The following RERE variants were observed in gnomAD, a reference collection of about 807,000 sequenced individuals.
RERE encodes arginine-glutamic acid dipeptide repeats.
A neutral mutation model predicts 146.1 loss-of-function variants in RERE; 40 were observed. The observed-to-expected ratio is 0.27, with a 90% CI of 0.21 to 0.36. The LOEUF (loss-of-function observed/expected upper bound fraction) is 0.36. RERE is among the 10% of genes least tolerant of loss of function. The pLI is 1.00. For synonymous variants in RERE, 1,003 were observed against 866.0 expected (o/e 1.16, Z -2.78); for missense variants, 1,933 against 2,138.7 (o/e 0.90, Z 1.90).
chr1:8,378,662 A>G (rs969692463), intron 12 of RERE, among the ~76,000 whole-genome samples: 20 of 152,198 alleles, frequency 1.3e-4, no homozygotes, highest in African/African-American at 4.8e-4. Flanking sequence ...ACCCTACTGA[A>G]CTCTGGTCTT....
At chr1:8,399,177 T>C (rs2124437474) in intron 12 of RERE, among the ~76,000 whole-genome samples, 1 of 152,138 alleles carries the variant, frequency 6.6e-6, no homozygotes, top group South Asian at 2.1e-4. Context: ...TGTCACTTTT[T>C]TCTCACTTTA....
intron 10 of RERE, among the ~76,000 whole-genome samples, chr1:8,482,471 G>A (rs1644847702): frequency 6.6e-6 from 1 of 151,846 alleles, no homozygotes; most frequent in African/African-American, 2.4e-5. Flanking sequence ...CACGAGGTTA[G>A]GAGATCAAGA....
intron 1 of RERE, among the ~76,000 whole-genome samples, chr1:8,726,147 CTTTTTTTTTTTT>C (rs70985511): frequency 0.063 from 4,381 of 69,988 alleles, 116 homozygotes; most frequent in Non-Finnish European, 0.081. Flanking sequence ...TTTTTCTTTT[CTTTTTTTTTTTT>C]TTTTTTTTTT....
intron 1 of RERE, among the ~76,000 whole-genome samples, chr1:8,720,331 C>T (rs1225672717): frequency 1.3e-5 from 2 of 151,848 alleles, no homozygotes; most frequent in Non-Finnish European, 2.9e-5. Flanking sequence ...GAAAGACACT[C>T]CTGACCTCAA....
intron 11 of RERE, among the ~76,000 whole-genome samples, chr1:8,445,678 C>T (rs1644307639): frequency 6.6e-6 from 1 of 151,950 alleles, no homozygotes; most frequent in East Asian, 1.9e-4. Flanking sequence ...GCGGCAGGAA[C>T]CCCACCTTTT....
intron 1 of RERE, among the ~76,000 whole-genome samples, chr1:8,677,655 T>C (rs1327960888): frequency 6.6e-6 from 1 of 151,942 alleles, no homozygotes; most frequent in Non-Finnish European, 1.5e-5. Flanking sequence ...TGACAGAACA[T>C]ACCCTTGTCC....
At chr1:8,777,648 C>A (rs901290235) in intron 1 of RERE, among the ~76,000 whole-genome samples, 2 of 151,502 alleles carry the variant, frequency 1.3e-5, no homozygotes, top group Non-Finnish European at 2.9e-5. Flanking sequence ...CATTCTCCTG[C>A]CTCAGCCTCC....
chr1:8,720,511 C>T (rs745824013), intron 1 of RERE, among the ~76,000 whole-genome samples: 2 of 151,884 alleles, frequency 1.3e-5, no homozygotes, highest in Non-Finnish European at 2.9e-5. Flanking sequence ...GAGAGACAGA[C>T]AGACAGAGTC....
chr1:8,441,690 CTG>C (rs1333135650), intron 11 of RERE, among the ~76,000 whole-genome samples: 1 of 152,152 alleles, frequency 6.6e-6, no homozygotes, highest in Non-Finnish European at 1.5e-5. Flanking sequence ...CTGAGTGACA[CTG>C]TAACAAAACT....
At chr1:8,618,515 C>G (rs74740842) in intron 3 of RERE, among the ~76,000 whole-genome samples, 4 of 152,110 alleles carry the variant, frequency 2.6e-5, no homozygotes, top group African/African-American at 9.7e-5. Flanking sequence ...CTGCCCACCC[C>G]CCAACCAAAA....
chr1:8,557,086 G>C (rs984352479), intron 5 of RERE, among the ~76,000 whole-genome samples: 3 of 151,888 alleles, frequency 2.0e-5, no homozygotes, highest in Non-Finnish European at 2.9e-5. Flanking sequence ...CTTCCAAGCT[G>C]TTTTTCATTG....
At chr1:8,766,253 GAC>G (rs1376101563) in intron 1 of RERE, among the ~76,000 whole-genome samples, 1 of 152,142 alleles carries the variant, frequency 6.6e-6, no homozygotes, top group East Asian at 1.9e-4. Flanking sequence ...TCAAGCAAGA[GAC>G]AGTGGCCAGG....
chr1:8,613,163 C>T (rs112477052), intron 4 of RERE, among the ~76,000 whole-genome samples: 32 of 152,206 alleles, frequency 2.1e-4, no homozygotes, highest in African/African-American at 7.7e-4. Context: ...CTGCAAACTG[C>T]TACAGTCAAT....
chr1:8,589,245 GC>G (rs1294177823), intron 4 of RERE, among the ~76,000 whole-genome samples: 5 of 152,128 alleles, frequency 3.3e-5, no homozygotes, highest in Non-Finnish European at 1.5e-5. Flanking sequence ...TTCTAGACCA[GC>G]CTGGCCAACA....
At chr1:8,630,924 C>T (rs1647027617) in intron 2 of RERE, among the ~76,000 whole-genome samples, 1 of 152,100 alleles carries the variant, frequency 6.6e-6, no homozygotes, top group African/African-American at 2.4e-5. Context: ...ATCTTTGTTC[C>T]CCTCTTTTTT....
intron 10 of RERE, among the ~76,000 whole-genome samples, chr1:8,474,290 A>G (rs1644726083): frequency 6.6e-6 from 1 of 152,212 alleles, no homozygotes; most frequent in Admixed American, 6.5e-5. Context: ...CTCTTGCCTA[A>G]ACAATTCTGA....
chr1:8,355,137 G>C lies in RERE; in HGVS notation c.4668-17C>G, dbSNP rs377676622. The C allele has an allele frequency of 1.9e-6, 3 of 1,613,492 alleles. No individual in the cohort carries two copies. The highest frequency in any genetic ancestry group is 2.2e-5 in the East Asian group (1 of 44,884). On this transcript the variant is annotated splice_polypyrimidine_tract_variant and intron_variant, in intron 22 of 22. Coordinates refer to ENST00000400908, the MANE Select transcript of RERE (RefSeq NM_001042681.2). ...TTCAGTCGACTGGAAAGACAAAACA[G>C]GAAAGCGTATTTAGTCTCAGGCCTA...
intron 2 of RERE, among the ~76,000 whole-genome samples, chr1:8,635,830 C>T (rs1360214596): frequency 6.6e-6 from 1 of 151,604 alleles, no homozygotes; most frequent in Non-Finnish European, 1.5e-5. Context: ...ACTAATGTGC[C>T]ACGTAAGTGC....
intron 1 of RERE, among the ~76,000 whole-genome samples, chr1:8,742,142 A>G (rs1377563322): frequency 1.3e-5 from 2 of 152,252 alleles, no homozygotes; most frequent in Non-Finnish European, 2.9e-5. Flanking sequence ...ATCAAATATT[A>G]CAACATGACA....
Sources: allele counts gnomAD v4.1 joint callset (sites outside exome capture counted in the v4.1 genomes callset), GRCh38; gene constraint gnomAD v4.1.1; transcripts MANE v1.5; gene names NCBI Gene and HGNC (gene_info 2026-07-23, HGNC 2026-07-21).